Variants in CROCC observed in about 807,000 individuals in gnomAD.
CROCC encodes the protein ciliary rootlet coiled-coil, rootletin, also known as rootletin.
A neutral mutation model predicts 245.2 loss-of-function variants in CROCC; 180 were observed. The observed-to-expected ratio is 0.73, with a 90% CI of 0.65 to 0.83. The LOEUF (loss-of-function observed/expected upper bound fraction) is 0.83. CROCC is among the 40% of genes least tolerant of loss of function. CROCC has a pLI of 0.00. For synonymous variants in CROCC, 1,205 were observed against 1,241.6 expected, an observed-to-expected ratio of 0.97 and a Z score of 0.62; for missense variants, 2,688 against 2,779.4, an observed-to-expected ratio of 0.97 and a Z score of 0.74.
At chr1:16,961,599 G>A (rs1570700601) in intron 27 of CROCC, among the ~76,000 whole-genome samples, 1 of 152,082 alleles carries the variant, frequency 6.6e-6, no homozygotes, top group Non-Finnish European at 1.5e-5. Flanking sequence ...GGGAAGTGGG[G>A]TGATTCTTTT....
At chr1:16,962,251 G>A (rs1472821883) in intron 27 of CROCC, among the ~76,000 whole-genome samples, 2 of 151,642 alleles carry the variant, frequency 1.3e-5, no homozygotes, top group Admixed American at 6.6e-5. Context: ...TTTTAGTAGA[G>A]ACGGGGTTTC....
intron 10 of CROCC, 146 bp from the exon 11 acceptor site, chr1:16,938,254 C>T (rs373160557): frequency 1.1e-3 from 799 of 702,374 alleles, no homozygotes; most frequent in East Asian, 6.3e-3. Flanking sequence ...GGGCCTCGGG[C>T]CTGCTGTGGG....
intron 15 of CROCC, among the ~76,000 whole-genome samples, 154 bp from the exon 16 acceptor site, chr1:16,946,105 G>A (rs1474400308): frequency 6.6e-6 from 1 of 152,230 alleles, no homozygotes; most frequent in Admixed American, 6.5e-5. Context: ...CAGGCTTTCT[G>A]CGGTGATTTT....
chr1:16,927,608 T>C (rs2075564914), intron 3 of CROCC, among the ~76,000 whole-genome samples: 1 of 152,264 alleles, frequency 6.6e-6, no homozygotes, highest in Non-Finnish European at 1.5e-5. Context: ...CGACGTGAAC[T>C]CAGCACCCAC....
At chr1:16,946,167 T>C (rs1452551789) in intron 15 of CROCC, 92 bp from the exon 16 acceptor site, 143 of 1,402,880 alleles carry the variant, frequency 1.0e-4, no homozygotes, top group South Asian at 5.3e-4. Flanking sequence ...ACCCTGTCTC[T>C]GAGGGTCCAT....
Position 16,936,642 on chromosome 1 carries a change from T to C in CROCC, c.962T>C (p.Leu321Pro). 6.3e-7 allele frequency: 1 copy of C among 1,589,154 alleles called. No homozygotes were observed. Among genetic ancestry groups the C allele is most frequent in the South Asian group, 1.1e-5 (1 of 87,470 alleles). ...GCCTGTGCTCTCTCCCGAAGGGACC[T>C]GCTGCAGCTGGGAGGGGAGCTGGCC... ...SEVKMFTERD[L>P]LQLGGELART... Residue 321 changes from leucine to proline, a missense_variant, in exon 9 of 37, where the codon CTG becomes CCG. By Grantham distance (98) the Leu-to-Pro change is moderately conservative. Coordinates refer to ENST00000375541, the MANE Select transcript of CROCC (RefSeq NM_014675.5).
Position 16,954,845 on chromosome 1 carries a change from C to G in CROCC, c.3433C>G (p.Leu1145Val). Residue 1145 changes from leucine to valine, a missense_variant, in exon 23 of 37, where the codon CTG becomes GTG. Leu to Val is a conservative substitution (Grantham distance 32). Around this residue, in one of 9 missense-constraint regions of CROCC, gnomAD observed 1,218 missense variants for 1,286.3 expected, o/e 0.95. Coordinates refer to ENST00000375541, the MANE Select transcript of CROCC (RefSeq NM_014675.5). The surrounding 1 kb of genome is among the most constrained non-coding windows in gnomAD (Gnocchi z 4.4). ...VRRLQEQARDLGKQRDSCLRE... is the reference protein window; with the variant it reads ...VRRLQEQARDVGKQRDSCLRE... The stretch of plus-strand genomic sequence containing the variant: ...GAGGCTGCAAGAGCAGGCCCGAGAC[C>G]TGGGCAAGCAGCGGGACTCCTGTCT... The G allele has an allele frequency of 6.5e-7, 1 of 1,544,168 alleles. No individual in the cohort carries two copies. The highest frequency in any genetic ancestry group is 8.8e-7 in the Non-Finnish European group (1 of 1,141,142).
chr1:16,955,478 A>G lies in CROCC; in HGVS notation c.3632A>G (p.Glu1211Gly). 6.3e-7 allele frequency: 1 copy of G among 1,586,834 alleles called. No homozygotes were observed. Reference sequence around the variant, plus strand: ...CGCAGCCTGGGCGAGGGTGCCAAGGAGCGCGAGGCCCTGCGGCGTTCCAAT... The same window carrying G: ...CGCAGCCTGGGCGAGGGTGCCAAGGGGCGCGAGGCCCTGCGGCGTTCCAAT... ...LRRSLGEGAK[E>G]REALRRSNEE... Residue 1211 changes from glutamate to glycine, a missense_variant, in exon 24 of 37, where the codon GAG (glutamate) becomes GGG (glycine). This residue lies in a region of CROCC where 1,218 missense variants were observed against 1,286.3 expected (regional missense o/e 0.95). Coordinates refer to ENST00000375541, the MANE Select transcript of CROCC (RefSeq NM_014675.5).
intron 16 of CROCC, 142 bp from the exon 17 acceptor site, chr1:16,946,619 T>C (rs371789437): frequency 6.5e-6 from 7 of 1,079,262 alleles, no homozygotes; most frequent in African/African-American, 6.1e-5. Flanking sequence ...CCCTCCCCAG[T>C]GTCCCATACA....
In CROCC at chr1:16,938,911, C is replaced by A. The variant is rs758208563; in HGVS notation, c.1377C>A (p.Ala459=). 3.1e-6 allele frequency: 5 copies of A among 1,603,792 alleles called. No homozygotes were observed. The highest frequency in any genetic ancestry group is 3.5e-5 in the Admixed American group (2 of 56,820). ...LQQTLRDLAQ[A]VLSDSESGVQ... Reference sequence around the variant, plus strand: ...CTGCCTCCCTCCCCCACCCTCAGGCCGTCTTGTCAGACTCTGAGAGCGGCG... The same window carrying A: ...CTGCCTCCCTCCCCCACCCTCAGGCAGTCTTGTCAGACTCTGAGAGCGGCG... The change falls in exon 12 of 37, where the codon GCC becomes GCA. Residue 459 remains alanine (A), a splice_region_variant and synonymous_variant. Transcript: ENST00000375541.
In CROCC at chr1:16,968,188, C is replaced by A; in HGVS notation, c.4861-15C>A. On this transcript the variant is annotated splice_polypyrimidine_tract_variant and intron_variant, in intron 30 of 36. Transcript: ENST00000375541. ...TGCACTGGACGTCTGGGCCTGAGCCCCATGCCACCTGCAGGAGAAGATCAG... is the reference window on the plus strand; with the variant it reads ...TGCACTGGACGTCTGGGCCTGAGCCACATGCCACCTGCAGGAGAAGATCAG... 6.4e-7 allele frequency: 1 copy of A among 1,553,650 alleles called. No homozygotes were observed.
At chr1:16,943,497 T>C (rs6667305) in intron 13 of CROCC, among the ~76,000 whole-genome samples, 135,451 of 152,042 alleles carry the variant, frequency 0.89, 59,651 homozygotes, top group East Asian at 0.96. Flanking sequence ...GAGATTGCGC[T>C]ACTGCACTCC....
chr1:16,934,928 C>T lies in CROCC; in HGVS notation c.957-1709C>T, dbSNP rs1463668688. On this transcript the variant is annotated intron_variant, in intron 8 of 36. Coordinates refer to ENST00000375541, the MANE Select transcript of CROCC (RefSeq NM_014675.5). ...TTTTTTTTCTTTTTTGAGATAGAGT[C>T]TTGCTCTGTCTCCCATGCTGGAGTG... 2.5e-5 allele frequency among the ~76,000 whole-genome samples: 3 copies of T among 119,130 alleles called. No individual in the cohort carries two copies. The South Asian group carries it at 8.6e-4, about 34-fold the overall frequency. 78.2% of individuals were successfully genotyped at this position (119,130 alleles called of 152,430 possible). A position where few individuals can be genotyped will look rare whatever the true frequency, so the allele number is the denominator to read the frequency against.
At chr1:16,941,108 A>C (rs1570640284) in intron 13 of CROCC, 1 of 178,324 alleles carries the variant, frequency 5.6e-6, no homozygotes, top group Non-Finnish European at 1.2e-5. Context: ...CACTCCTCCC[A>C]CCTCAGCCTC....
intron 2 of CROCC, 66 bp from the exon 3 acceptor site, chr1:16,924,258 TC>T: frequency 6.3e-7 from 1 of 1,575,118 alleles, no homozygotes; most frequent in Non-Finnish European, 8.6e-7. Flanking sequence ...TTTCTTGCCC[TC>T]CCTGTTGGGG....
At chr1:16,942,008 A>G (rs1376837642) in intron 13 of CROCC, among the ~76,000 whole-genome samples, 2 of 151,244 alleles carry the variant, frequency 1.3e-5, no homozygotes, top group Non-Finnish European at 3.0e-5. Context: ...AGCCTTGAAG[A>G]TTTTTTTTTT....
rs1570577331 is a variant in CROCC at position 16,921,990 on chromosome 1, G to A, written c.-29G>A. ...TAGTCTTGGGGTCCTGGAGAAGGGG[G>A]CTGGAGGCATGCCCACAGCCTCCCC... On this transcript the variant is annotated 5_prime_UTR_variant, in exon 1 of 37. Transcript: ENST00000375541. 1 of 1,545,018 alleles carries A rather than the reference G, an allele frequency of 6.5e-7. No homozygotes were observed. Among genetic ancestry groups the A allele is most frequent in the South Asian group, 1.2e-5 (1 of 83,890 alleles).
At chr1:16,940,590 A>G (rs1455579370) in intron 13 of CROCC, among the ~76,000 whole-genome samples, 1 of 152,194 alleles carries the variant, frequency 6.6e-6, no homozygotes, top group African/African-American at 2.4e-5. Flanking sequence ...GGGTTTCACC[A>G]TCTTGGCCAG....
At chr1:16,941,656 C>T (rs535529571) in intron 13 of CROCC, among the ~76,000 whole-genome samples, 172 of 151,962 alleles carry the variant, frequency 1.1e-3, no homozygotes, top group Admixed American at 3.4e-3. Flanking sequence ...GGCCTGAACC[C>T]GGGAGGCGGA....
Sources: gnomAD v4.1 joint callset for allele counts (sites outside exome capture counted in the v4.1 genomes callset) on GRCh38, gnomAD v4.1.1 for gene constraint, gnomAD v4.1.1 regional missense constraint, Gnocchi (gnomAD v3.1) non-coding constraint, MANE v1.5 for transcripts, NCBI Gene and HGNC (gene_info 2026-07-23, HGNC 2026-07-21) for gene names.